Variants in TMPRSS15 observed in about 807,000 individuals in gnomAD.
TMPRSS15 encodes enteropeptidase.
TMPRSS15 carries 128 observed loss-of-function variants against 125.3 expected under a neutral mutation model. The ratio of observed to expected loss-of-function variants is 1.02; its 90% CI spans 0.89 to 1.18. The LOEUF is 1.18. TMPRSS15 is among the 50% of genes most tolerant of loss of function. The pLI is 0.00. For synonymous variants in TMPRSS15, 446 were observed against 423.2 expected (o/e 1.05, Z -0.66); for missense variants, 1,283 against 1,212.7 (o/e 1.06, Z -0.86).
chr21:18,398,126 A>C, intron 2 of TMPRSS15, 73 bp downstream of exon 2: 1 of 1,536,098 alleles, frequency 6.5e-7, no homozygotes, highest in Non-Finnish European at 9.0e-7. Flanking sequence ...GTTGTTTCAC[A>C]GTGAGAAAAT....
At chr21:18,272,490 G>A (rs191714638) in intron 24 of TMPRSS15, among the ~76,000 whole-genome samples, 352 of 152,226 alleles carry the variant, frequency 2.3e-3, no homozygotes, top group Non-Finnish European at 3.2e-3. Context: ...TTGGGAGGCC[G>A]AGACGGGTGG....
At chr21:18,444,659 G>C (rs935580352) in intron 1 of TMPRSS15, among the ~76,000 whole-genome samples, 2 of 152,076 alleles carry the variant, frequency 1.3e-5, no homozygotes, top group Non-Finnish European at 2.9e-5. Flanking sequence ...AGGATAGTGA[G>C]CATTCCCATC....
chr21:18,448,260 C>G (rs1036363883), intron 1 of TMPRSS15, among the ~76,000 whole-genome samples: 2 of 152,222 alleles, frequency 1.3e-5, no homozygotes, highest in East Asian at 3.9e-4. Context: ...ATGCATCAAA[C>G]AAATGGATTA....
chr21:18,437,717 A>G lies in TMPRSS15; in HGVS notation c.11-39388T>C, dbSNP rs60351076. On this transcript the variant is annotated intron_variant, in intron 1 of 7. Coordinates refer to the TMPRSS15 transcript ENST00000422787. ...AGACATTTATGCAGCCAAAAGACAC[A>G]TGAAAAAATGCTCATCATCACTGGC... is the stretch of plus-strand genomic sequence containing the variant. 8.2e-3 allele frequency among the ~76,000 whole-genome samples: 1,245 copies of G among 152,352 alleles called. 21 individuals are homozygous for G. The highest frequency in any genetic ancestry group is 0.028 in the African/African-American group (1,164 of 41,576).
intron 1 of TMPRSS15, among the ~76,000 whole-genome samples, chr21:18,409,100 C>T (rs2076159384): frequency 2.0e-5 from 3 of 151,910 alleles, no homozygotes; most frequent in African/African-American, 7.3e-5. Flanking sequence ...TATATTGATG[C>T]ATGGGTAAGT....
At chr21:18,404,749 G>A (rs1005176293), upstream of TMPRSS15, among the ~76,000 whole-genome samples, 3 of 151,924 alleles carry the variant, frequency 2.0e-5, no homozygotes, top group Non-Finnish European at 4.4e-5. Flanking sequence ...ATATTATAAT[G>A]GGCTAAGATG....
At chr21:18,465,254 C>G (rs1054654406) in intron 1 of TMPRSS15, among the ~76,000 whole-genome samples, 1 of 152,104 alleles carries the variant, frequency 6.6e-6, no homozygotes, top group Non-Finnish European at 1.5e-5. Flanking sequence ...ACTGATGGAA[C>G]GTATCTCAAA....
intron 3 of TMPRSS15, among the ~76,000 whole-genome samples, chr21:18,394,013 A>T (rs182897523): frequency 1.3e-5 from 2 of 152,190 alleles, no homozygotes; most frequent in Non-Finnish European, 2.9e-5. Context: ...TAAGCGAGCA[A>T]ATGAATGGAT....
chr21:18,451,894 C>T (rs1438506867), intron 1 of TMPRSS15, among the ~76,000 whole-genome samples: 4 of 124,184 alleles, frequency 3.2e-5, no homozygotes, highest in South Asian at 2.5e-4. Context: ...ACATGCATGA[C>T]ATGCATGCAT....
In TMPRSS15 at chr21:18,470,521, T is replaced by C. The variant is rs372260761; in HGVS notation, c.10+15278A>G. 9.9e-5 allele frequency among the ~76,000 whole-genome samples: 15 copies of C among 152,132 alleles called. 1 individual carries two copies. Among genetic ancestry groups the C allele is most frequent in the Admixed American group, 8.5e-4 (13 of 15,230 alleles). On this transcript the variant is annotated intron_variant, in intron 1 of 7. Coordinates refer to the TMPRSS15 transcript ENST00000422787. ...TTATTTCTCCCTCTGATACTCTGGG[T>C]GATGGTTAAGTGTGTATAAAAGAAG...
intron 9 of TMPRSS15, 118 bp from the exon 10 acceptor site, chr21:18,353,170 A>G: frequency 1.1e-6 from 1 of 911,566 alleles, no homozygotes; most frequent in South Asian, 1.6e-5. Context: ...GGTATGTACA[A>G]AATCATTATT....
intron 15 of TMPRSS15, among the ~76,000 whole-genome samples, chr21:18,327,536 AG>A (rs1477705234): frequency 6.6e-6 from 1 of 152,092 alleles, no homozygotes; most frequent in East Asian, 1.9e-4. Context: ...ATTCTACATA[AG>A]GGTTGACTGA....
At chr21:18,312,918 A>T in intron 18 of TMPRSS15, 27 bp downstream of exon 18, 1 of 1,611,940 alleles carries the variant, frequency 6.2e-7, no homozygotes, top group Non-Finnish European at 8.5e-7. Context: ...CAAATCTCTT[A>T]AAAAGGAACT....
intron 12 of TMPRSS15, among the ~76,000 whole-genome samples, chr21:18,341,902 C>G (rs777727956): frequency 6.6e-5 from 10 of 152,192 alleles, no homozygotes; most frequent in Non-Finnish European, 1.2e-4. Context: ...CAGGAGAAAG[C>G]AATTTTCTCC....
At chr21:18,409,521 T>C (rs2076160152) in intron 1 of TMPRSS15, among the ~76,000 whole-genome samples, 1 of 152,114 alleles carries the variant, frequency 6.6e-6, no homozygotes, top group Non-Finnish European at 1.5e-5. Context: ...AATTATTTCA[T>C]TATATCTGTA....
intron 10 of TMPRSS15, among the ~76,000 whole-genome samples, chr21:18,348,764 C>A (rs1309216445): frequency 6.6e-6 from 1 of 152,200 alleles, no homozygotes; most frequent in African/African-American, 2.4e-5. Context: ...TCCTCCCCAA[C>A]ATATGACTTA....
intron 13 of TMPRSS15, among the ~76,000 whole-genome samples, chr21:18,339,639 C>A (rs1176065172): frequency 6.6e-6 from 1 of 151,972 alleles, no homozygotes; most frequent in Non-Finnish European, 1.5e-5. Context: ...CAAGCAAAGC[C>A]GTAGAGCTAA....
intron 24 of TMPRSS15, among the ~76,000 whole-genome samples, chr21:18,273,717 T>A (rs1228194117): frequency 1.3e-5 from 2 of 152,200 alleles, no homozygotes; most frequent in Non-Finnish European, 2.9e-5. Flanking sequence ...TAGATCTCCT[T>A]CTAAGTGGCA....
chr21:18,407,936 A>G (rs2076156740), upstream of TMPRSS15, among the ~76,000 whole-genome samples: 1 of 152,162 alleles, frequency 6.6e-6, no homozygotes, highest in Non-Finnish European at 1.5e-5. Context: ...ATTGTTGTGT[A>G]CCATTTTGGT....
Sources: gnomAD v4.1 joint callset for allele counts (sites outside exome capture counted in the v4.1 genomes callset) on GRCh38, gnomAD v4.1.1 for gene constraint, MANE v1.5 for transcripts, NCBI Gene and HGNC (gene_info 2026-07-23, HGNC 2026-07-21) for gene names.